The following GFRA1 variants were observed in gnomAD, a reference collection of about 807,000 sequenced individuals.
The protein encoded by GFRA1 is GDNF family receptor alpha-1.
Under a neutral mutation model 51.6 loss-of-function variants are expected in GFRA1, and 16 were observed. The observed-to-expected ratio is 0.31, with a 90% CI of 0.21 to 0.47. GFRA1 has a LOEUF of 0.47. Among genes scored for constraint, GFRA1 ranks in the 20% least tolerant of loss-of-function variants. The probability of loss-of-function intolerance (pLI) is 1.00; values close to 1 mark genes in which losing one functional copy is unlikely to be tolerated. For synonymous variants in GFRA1, 270 were observed against 241.3 expected (o/e 1.12, Z -1.10); for missense variants, 530 against 594.3 (o/e 0.89, Z 1.13).
At chr10:116,108,436 T>C (rs893468084) in intron 6 of GFRA1, among the ~76,000 whole-genome samples, 1 of 152,190 alleles carries the variant, frequency 6.6e-6, no homozygotes, top group South Asian at 2.1e-4. Context: ...TAACTCCTAT[T>C]AGCAACCCAT....
At chr10:116,206,805 T>C (rs1964808663) in intron 5 of GFRA1, among the ~76,000 whole-genome samples, 1 of 151,366 alleles carries the variant, frequency 6.6e-6, no homozygotes, top group Admixed American at 6.6e-5. Context: ...GCTAATTTTT[T>C]GTATTTTTAG....
intron 4 of GFRA1, among the ~76,000 whole-genome samples, chr10:116,233,662 G>A (rs78400513): frequency 0.021 from 3,127 of 152,222 alleles, 93 homozygotes; most frequent in African/African-American, 0.07. Flanking sequence ...CCAGCTCCCC[G>A]CAGTGCTGTG....
At chr10:116,221,013 T>C (rs1965886247) in intron 4 of GFRA1, among the ~76,000 whole-genome samples, 1 of 152,196 alleles carries the variant, frequency 6.6e-6, no homozygotes. Context: ...TTCTGTCCAC[T>C]GTAGTCCCAA....
At chr10:116,205,192 C>A (rs1964634924) in intron 5 of GFRA1, among the ~76,000 whole-genome samples, 1 of 152,112 alleles carries the variant, frequency 6.6e-6, no homozygotes, top group South Asian at 2.1e-4. Context: ...AGTTTGGGGG[C>A]AGATTCAGTG....
chr10:116,115,396 G>T (rs1011298275), intron 6 of GFRA1, among the ~76,000 whole-genome samples: 1 of 152,040 alleles, frequency 6.6e-6, no homozygotes, highest in Admixed American at 6.6e-5. Context: ...ATGGAAGAGG[G>T]TCCTGGCAGG....
intron 9 of GFRA1, 45 bp downstream of exon 9, chr10:116,089,696 C>G (rs781550145): frequency 1.6e-5 from 24 of 1,532,310 alleles, no homozygotes; most frequent in African/African-American, 2.7e-5. Flanking sequence ...TTCACCCCCC[C>G]ACCAGGAAGG....
At chr10:116,199,149 AC>A (rs1342841640) in intron 5 of GFRA1, among the ~76,000 whole-genome samples, 1 of 152,204 alleles carries the variant, frequency 6.6e-6, no homozygotes, top group Non-Finnish European at 1.5e-5. Flanking sequence ...AATCTCCAGG[AC>A]AGTGAGGGAA....
intron 4 of GFRA1, among the ~76,000 whole-genome samples, chr10:116,230,015 T>C (rs925731662): frequency 6.6e-6 from 1 of 152,124 alleles, no homozygotes; most frequent in African/African-American, 2.4e-5. Flanking sequence ...GATTCAAGCT[T>C]CCCAAAGAGC....
At chr10:116,193,812 C>T (rs1963480298) in intron 5 of GFRA1, among the ~76,000 whole-genome samples, 1 of 151,860 alleles carries the variant, frequency 6.6e-6, no homozygotes, top group Non-Finnish European at 1.5e-5. Flanking sequence ...AATCCCAGCA[C>T]TTTGGGAGGC....
rs371027197 is a variant in GFRA1 at position 116,150,579 on chromosome 10, T to C, written c.434-25022A>G. 7.9e-5 allele frequency among the ~76,000 whole-genome samples: 12 copies of C among 152,350 alleles called. 1 individual carries two copies. The highest frequency in any genetic ancestry group is 2.6e-4 in the African/African-American group (11 of 41,578). ...ACCAGTGGCACTTGTGGCTGCAGCG[T>C]TTACCCTGAGATAACTTTGCCATGA... is the stretch of plus-strand genomic sequence containing the variant. On this transcript the variant is annotated intron_variant, in intron 5 of 10. Coordinates refer to ENST00000355422, the MANE Select transcript of GFRA1 (RefSeq NM_005264.8).
Position 116,089,707 on chromosome 10 carries a change from G to C in GFRA1, c.1197+34C>G, listed in dbSNP as rs748859129. Reference sequence around the variant, plus strand: ...GTGTTTCACCCCCCCACCAGGAAGGGAGCCCCAGCAAGGAATCTGGACGCA... The same window carrying C: ...GTGTTTCACCCCCCCACCAGGAAGGCAGCCCCAGCAAGGAATCTGGACGCA... On this transcript the variant is annotated intron_variant, in intron 9 of 10. Transcript: ENST00000355422. 1.0e-5 allele frequency: 16 copies of C among 1,585,078 alleles called. No individual in the cohort carries two copies. The Middle Eastern group carries it at 7.1e-4, about 70-fold the overall frequency.
intron 5 of GFRA1, among the ~76,000 whole-genome samples, chr10:116,168,194 C>G (rs758996952): frequency 6.8e-5 from 10 of 147,976 alleles, no homozygotes; most frequent in Non-Finnish European, 1.3e-4. Context: ...TGTCATTCAA[C>G]AATCATTTAT....
At chr10:116,109,028 A>C (rs1294178231) in intron 6 of GFRA1, among the ~76,000 whole-genome samples, 1 of 152,182 alleles carries the variant, frequency 6.6e-6, no homozygotes, top group Non-Finnish European at 1.5e-5. Flanking sequence ...GCAGCAGCCC[A>C]ACTCTAAATG....
chr10:116,254,180 G>A (rs561871818), intron 4 of GFRA1, among the ~76,000 whole-genome samples: 497 of 152,006 alleles, frequency 3.3e-3, no homozygotes, highest in Non-Finnish European at 5.7e-3. Context: ...AAATTAGCTA[G>A]GTGTGGTGGC....
intron 5 of GFRA1, among the ~76,000 whole-genome samples, chr10:116,208,746 G>A (rs559570108): frequency 5.1e-4 from 77 of 152,306 alleles, no homozygotes; most frequent in South Asian, 3.3e-3. Context: ...TTGAGGCAAC[G>A]GATGAGCATT....
intron 6 of GFRA1, among the ~76,000 whole-genome samples, chr10:116,119,734 G>A (rs1337538355): frequency 6.6e-6 from 1 of 152,124 alleles, no homozygotes; most frequent in Non-Finnish European, 1.5e-5. Context: ...TTTATTGTGT[G>A]AAGGGGGTCT....
chr10:116,179,433 A>G (rs1961989092), intron 5 of GFRA1, among the ~76,000 whole-genome samples: 4 of 152,230 alleles, frequency 2.6e-5, no homozygotes, highest in Admixed American at 1.3e-4. Context: ...TATGCTGCAG[A>G]GTTTTACTAC....
chr10:116,156,445 T>A (rs573237539), intron 5 of GFRA1, among the ~76,000 whole-genome samples: 1 of 152,186 alleles, frequency 6.6e-6, no homozygotes, highest in South Asian at 2.1e-4. Context: ...CCAAACAGTG[T>A]GGAGGCCTGA....
chr10:116,207,750 C>G (rs927706215), intron 5 of GFRA1, among the ~76,000 whole-genome samples: 2 of 152,008 alleles, frequency 1.3e-5, no homozygotes, highest in African/African-American at 4.8e-5. Flanking sequence ...AATTTGCCAG[C>G]CTTAAGGACA....
Sources: gnomAD v4.1 joint callset for allele counts (sites outside exome capture counted in the v4.1 genomes callset) on GRCh38, gnomAD v4.1.1 for gene constraint, MANE v1.5 for transcripts, NCBI Gene and HGNC (gene_info 2026-07-23, HGNC 2026-07-21) for gene names.